The following FAM200A variants were observed in gnomAD, a reference collection of about 807,000 sequenced individuals.
FAM200A encodes ZBED8 like.
Under a neutral mutation model 44.2 loss-of-function variants are expected in FAM200A, and 26 were observed. The ratio of observed to expected loss-of-function variants is 0.59; its 90% confidence interval spans 0.43 to 0.82. FAM200A has a LOEUF of 0.82. FAM200A is among the 40% of genes least tolerant of loss of function. The pLI, the probability that FAM200A is intolerant of heterozygous loss-of-function variation, is 0.00. For synonymous variants in FAM200A, 206 were observed against 244.4 expected (o/e 0.84, Z 1.47); for missense variants, 606 against 669.5 (o/e 0.91, Z 1.05).
chr7:99,547,403 A>T lies in FAM200A; in HGVS notation c.1005T>A (p.Phe335Leu). The T allele has an allele frequency of 6.4e-7, 1 of 1,551,314 alleles. No homozygotes were observed. Among genetic ancestry groups the T allele is most frequent in the Non-Finnish European group, 8.7e-7 (1 of 1,146,924 alleles). The change falls in exon 2 of 2, where the codon TTT (phenylalanine) becomes TTA (leucine). Residue 335 changes from phenylalanine to leucine, a missense_variant. Transcript: ENST00000449309. ...VEKQSHLANI[F>L]EDDIWVTKLA... is the part of the protein sequence containing the mutation. ...ATTTTGTTACCCAAATGTCGTCTTCAAAAATATTTGCCAAATGAGATTGCT... is the reference window on the plus strand; with the variant it reads ...ATTTTGTTACCCAAATGTCGTCTTCTAAAATATTTGCCAAATGAGATTGCT...
At chr7:99,557,604 C>T (rs1389081526) in intron 1 of FAM200A, among the ~76,000 whole-genome samples, 1 of 152,200 alleles carries the variant, frequency 6.6e-6, no homozygotes, top group Non-Finnish European at 1.5e-5. Flanking sequence ...CCTGACTCCA[C>T]TGTGACGGGC....
At chr7:99,556,883 A>AAAATTAGCT (rs1802696269), upstream of FAM200A, among the ~76,000 whole-genome samples, 1 of 152,172 alleles carries the variant, frequency 6.6e-6, no homozygotes. Flanking sequence ...TAAAAATACA[A>AAAATTAGCT]AAATTAGCTA....
chr7:99,547,826 G>A lies in FAM200A; in HGVS notation c.582C>T (p.Cys194=), dbSNP rs1802425299. The A allele has an allele frequency of 1.3e-6, 2 of 1,551,274 alleles. No individual in the cohort carries two copies. Among genetic ancestry groups the A allele is most frequent in the South Asian group, 2.4e-5 (2 of 83,964 alleles). The part of the protein sequence containing the change: ...GLDLFTELEN[C]LLGQYKLNWK... The stretch of plus-strand genomic sequence containing the variant: ...AGTTTAATTTATACTGACCAAGAAG[G>A]CAGTTTTCTAATTCAGTAAATAAAT... The change falls in exon 2 of 2, where the codon TGC becomes TGT. Residue 194 remains cysteine (C), a synonymous_variant. Coordinates refer to ENST00000449309, the MANE Select transcript of FAM200A (RefSeq NM_145111.4).
intron 1 of FAM200A, among the ~76,000 whole-genome samples, chr7:99,557,511 AT>A (rs1437345508): frequency 6.6e-6 from 1 of 152,192 alleles, no homozygotes; most frequent in African/African-American, 2.4e-5. Context: ...CCAGGGGTGT[AT>A]TTCTGTTCAA....
At chr7:99,556,184 A>G (rs546496659), upstream of FAM200A, among the ~76,000 whole-genome samples, 1 of 152,320 alleles carries the variant, frequency 6.6e-6, no homozygotes, top group Admixed American at 6.5e-5. Flanking sequence ...AAGAAGTCTT[A>G]CTAGGATATT....
In FAM200A at chr7:99,546,759, A is replaced by C; in HGVS notation, c.1649T>G (p.Met550Arg). The change falls in exon 2 of 2, where the codon ATG becomes AGG. Residue 550 changes from methionine (M) to arginine (R), a missense_variant. By Grantham distance (91) the Met-to-Arg change is moderately conservative. Coordinates refer to ENST00000449309, the MANE Select transcript of FAM200A (RefSeq NM_145111.4). ...AACACATGAAGATAATGCTACCCGC[A>C]TATCTGGTGCACTATTGAGCCTATT... Reference protein sequence around the residue: ...KRNRLNSAPDMRVALSSCVPD... With the variant: ...KRNRLNSAPDRRVALSSCVPD... The C allele has an allele frequency of 6.4e-7, 1 of 1,550,856 alleles. No individual in the cohort carries two copies. Among genetic ancestry groups the C allele is most frequent in the Non-Finnish European group, 8.7e-7 (1 of 1,146,792 alleles).
At chr7:99,553,406 T>C (rs941724250), upstream of FAM200A, among the ~76,000 whole-genome samples, 1 of 152,092 alleles carries the variant, frequency 6.6e-6, no homozygotes, top group Admixed American at 6.6e-5. Context: ...GTATATGATT[T>C]TGTATTTATG....
rs949420187 is a variant in FAM200A at position 99,547,569 on chromosome 7, A to G, written c.839T>C (p.Leu280Pro). 6 of 1,551,266 alleles carry G rather than the reference A, an allele frequency of 3.9e-6. No homozygotes were observed. Among genetic ancestry groups the G allele is most frequent in the Middle Eastern group, 1.7e-4 (1 of 5,988 alleles). Residue 280 changes from leucine to proline, a missense_variant, in exon 2 of 2, where the codon CTT becomes CCT. By Grantham distance (98) the Leu-to-Pro change is moderately conservative. Transcript: ENST00000449309. The stretch of plus-strand genomic sequence containing the variant: ...AATCTCTGAACAAAATATTTCGAGA[A>G]GTCGGCTATTCAGTGAGCTTCCTTT... ...FIKGSSLNSR[L>P]LEIFCSEIGV...
upstream of FAM200A, chr7:99,552,277 G>A: frequency 1.8e-6 from 1 of 545,642 alleles, no homozygotes; most frequent in Non-Finnish European, 2.3e-6. Context: ...ACAGGGCGGG[G>A]AAAAAGGGAT....
In FAM200A at chr7:99,546,766, G is replaced by A; in HGVS notation, c.1642C>T (p.Pro548Ser). ...TKKRNRLNSA[P>S]DMRVALSSCV... ...GAAGATAATGCTACCCGCATATCTG[G>A]TGCACTATTGAGCCTATTTCTCTTC... Residue 548 changes from proline (P) to serine (S), a missense_variant, in exon 2 of 2, where the codon CCA (proline) becomes TCA (serine). Coordinates refer to ENST00000449309, the MANE Select transcript of FAM200A (RefSeq NM_145111.4). The A allele has an allele frequency of 6.4e-7, 1 of 1,551,208 alleles. No individual in the cohort carries two copies.
Position 99,548,131 on chromosome 7 carries a change from C to G in FAM200A, c.277G>C (p.Val93Leu). The G allele has an allele frequency of 6.4e-7, 1 of 1,551,764 alleles. No individual in the cohort carries two copies. Among genetic ancestry groups the G allele is most frequent in the Non-Finnish European group, 8.7e-7 (1 of 1,147,018 alleles). Residue 93 changes from valine (V) to leucine (L), a missense_variant, in exon 2 of 2, where the codon GTA becomes CTA. Val to Leu is a conservative substitution (Grantham distance 32, BLOSUM62 1). Transcript: ENST00000449309. ...KIILPACMDM[V>L]RTIFDDKSAD... The stretch of plus-strand genomic sequence containing the variant: ...GATTTGTCATCAAAAATTGTCCGTA[C>G]CATGTCCATACATGCTGGAAGGATA...
At chr7:99,555,059 A>C (rs1422723646), upstream of FAM200A, among the ~76,000 whole-genome samples, 1 of 152,150 alleles carries the variant, frequency 6.6e-6, no homozygotes, top group Non-Finnish European at 1.5e-5. Context: ...CCTCATCCCC[A>C]ATTAACAGGT....
chr7:99,558,022 G>A (rs1456615623), intron 1 of FAM200A, among the ~76,000 whole-genome samples: 2 of 152,126 alleles, frequency 1.3e-5, no homozygotes, highest in Non-Finnish European at 2.9e-5. Flanking sequence ...CCCTGTTTCT[G>A]CATAGATTTT....
Position 99,547,518 on chromosome 7 carries a change from A to C in FAM200A, c.890T>G (p.Phe297Cys). 1 of 1,550,328 alleles carries C rather than the reference A, an allele frequency of 6.5e-7. No individual in the cohort carries two copies. The highest frequency in any genetic ancestry group is 8.7e-7 in the Non-Finnish European group (1 of 1,146,300). ...AGAAAGCCAACGAACTTCTGTATGA[A>C]ACAATAAGTGGGTGTGGTTCACTCC... ...EIGVNHTHLL[F>C]HTEVRWLSQG... Residue 297 changes from phenylalanine (F) to cysteine (C), a missense_variant, in exon 2 of 2, where the codon TTT becomes TGT. Coordinates refer to ENST00000449309, the MANE Select transcript of FAM200A (RefSeq NM_145111.4).
At chr7:99,548,824 G>A (rs372044924) in intron 1 of FAM200A, among the ~76,000 whole-genome samples, 3 of 148,588 alleles carry the variant, frequency 2.0e-5, no homozygotes, top group East Asian at 4.1e-4. Context: ...TCTGAAGCGA[G>A]TGTCCTAAAT....
chr7:99,552,986 C>T (rs1028122004), upstream of FAM200A, among the ~76,000 whole-genome samples: 2 of 140,478 alleles, frequency 1.4e-5, no homozygotes, highest in Admixed American at 7.2e-5. Flanking sequence ...TATATATATA[C>T]ACACATATAT....
Position 99,546,723 on chromosome 7 carries a change from T to C in FAM200A, c.1685A>G (p.Lys562Arg). The C allele has an allele frequency of 6.5e-7, 1 of 1,540,210 alleles. No individual in the cohort carries two copies. The change falls in exon 2 of 2, where the codon AAG becomes AGG. Residue 562 changes from lysine (K) to arginine (R), a missense_variant. By Grantham distance (26) the Lys-to-Arg change is conservative. Transcript: ENST00000449309. ...VALSSCVPDW[K>R]ELMNRQAHPS... Reference sequence around the variant, plus strand: ...GTGTGCTTGTCTGTTCATAAGTTCCTTCCAGTCAGGAACACATGAAGATAA... The same window carrying C: ...GTGTGCTTGTCTGTTCATAAGTTCCCTCCAGTCAGGAACACATGAAGATAA...
chr7:99,558,030 T>G (rs1441684777), intron 1 of FAM200A, among the ~76,000 whole-genome samples: 2 of 152,160 alleles, frequency 1.3e-5, no homozygotes, highest in African/African-American at 2.4e-5. Flanking sequence ...CTGCATAGAT[T>G]TTAGTCTTCC....
upstream of FAM200A, among the ~76,000 whole-genome samples, chr7:99,553,095 ATATATTT>A (rs1210342767): frequency 5.5e-3 from 491 of 88,660 alleles, no homozygotes; most frequent in African/African-American, 0.017. Context: ...ATATATATAT[ATATATTT>A]TTTTTTTTTT....
Sources: allele counts gnomAD v4.1 joint callset (sites outside exome capture counted in the v4.1 genomes callset), GRCh38; gene constraint gnomAD v4.1.1; transcripts MANE v1.5; gene names NCBI Gene and HGNC (gene_info 2026-07-23, HGNC 2026-07-21).